The following DNAH8 variants were observed in gnomAD, a reference collection of about 807,000 sequenced individuals.
DNAH8 encodes dynein axonemal heavy chain 8.
Under a neutral mutation model 562.1 loss-of-function variants are expected in DNAH8, and 382 were observed. The observed-to-expected ratio is 0.68, with a 90% confidence interval of 0.63 to 0.74. The LOEUF is 0.74. Among genes scored for constraint, DNAH8 ranks in the 30% least tolerant of loss-of-function variants. The pLI is 0.00. For synonymous variants in DNAH8, 1,881 were observed against 1,919.4 expected, an observed-to-expected ratio of 0.98 and a Z score of 0.52; for missense variants, 5,203 against 5,620.4, an observed-to-expected ratio of 0.93 and a Z score of 2.37.
Position 38,906,968 on chromosome 6 carries a change from T to G in DNAH8, c.9348+561T>G, listed in dbSNP as rs376999696. ...TTATTGGAGCATTTTAGATTTCAGATTTTTTGATTTGGGGGTGCTCAACCA... is the reference window on the plus strand; with the variant it reads ...TTATTGGAGCATTTTAGATTTCAGAGTTTTTGATTTGGGGGTGCTCAACCA... On this transcript the variant is annotated intron_variant, in intron 63 of 92. Coordinates refer to ENST00000327475, the MANE Select transcript of DNAH8 (RefSeq NM_001206927.2). 1.8e-4 allele frequency among the ~76,000 whole-genome samples: 28 copies of G among 152,276 alleles called. 1 individual carries two copies. In the East Asian group the frequency reaches 5.2e-3, roughly 28 times the overall value.
chr6:38,966,971 C>T (rs1432116728), intron 82 of DNAH8, among the ~76,000 whole-genome samples: 1 of 152,208 alleles, frequency 6.6e-6, no homozygotes, highest in African/African-American at 2.4e-5. Context: ...ACTAATCCCA[C>T]TCTTAATACC....
chr6:38,975,884 G>A (rs963853528), intron 85 of DNAH8, among the ~76,000 whole-genome samples: 5 of 152,174 alleles, frequency 3.3e-5, no homozygotes, highest in African/African-American at 1.2e-4. Context: ...TTATCATGGA[G>A]AGCTGGTTGG....
Position 38,827,705 on chromosome 6 carries a change from G to T in DNAH8, c.4084-479G>T. Among the ~76,000 whole-genome samples, 2 of 118,760 alleles carry T rather than the reference G, an allele frequency of 1.7e-5. 1 individual carries two copies. The highest frequency in any genetic ancestry group is 6.5e-5 in the African/African-American group (2 of 30,780). The allele number at this position is 118,760 out of a possible 152,430, so 77.9% of individuals were successfully genotyped here. A position where few individuals can be genotyped will look rare whatever the true frequency, so the allele number is the denominator to read the frequency against. The stretch of plus-strand genomic sequence containing the variant: ...TAAATTATTATATCAAATTTTCCCT[G>T]ACTGCAAAAGCTTAATTCTTTACCA... On this transcript the variant is annotated intron_variant, in intron 29 of 92. Coordinates refer to ENST00000327475, the MANE Select transcript of DNAH8 (RefSeq NM_001206927.2).
intron 91 of DNAH8, among the ~76,000 whole-genome samples, chr6:39,018,889 GAATA>G (rs1308552979): frequency 6.6e-6 from 1 of 152,216 alleles, no homozygotes; most frequent in Non-Finnish European, 1.5e-5. Flanking sequence ...AGTCTCAGTG[GAATA>G]GGTGGGGAGG....
At chr6:38,883,816 T>TA in intron 55 of DNAH8, 60 bp from the exon 56 acceptor site, 1 of 1,363,966 alleles carries the variant, frequency 7.3e-7, no homozygotes, top group South Asian at 1.8e-5. Context: ...GAATGCTCAT[T>TA]ATTTTTAGAA....
intron 52 of DNAH8, 94 bp from the exon 53 acceptor site, chr6:38,875,497 T>A: frequency 4.0e-6 from 3 of 757,638 alleles, no homozygotes; most frequent in Non-Finnish European, 4.0e-6. Context: ...ATTTTTCTTC[T>A]CTCTTCCTTC....
Position 38,899,826 on chromosome 6 carries a change from T to A in DNAH8, c.9114T>A (p.Val3038=), listed in dbSNP as rs557683046. ...TSCGNALLVG[V]GGSGKQSLSR... is the part of the protein sequence containing the mutation. ...GTGGAAATGCATTGCTGGTGGGTGT[T>A]GGTGGTTCCGGAAAACAAAGTCTTT... is the stretch of plus-strand genomic sequence containing the variant. The change falls in exon 62 of 93, where the codon GTT becomes GTA. Residue 3038 remains valine (V), a synonymous_variant. Coordinates refer to ENST00000327475, the MANE Select transcript of DNAH8 (RefSeq NM_001206927.2). 1 of 1,613,152 alleles carries A rather than the reference T, an allele frequency of 6.2e-7. No individual in the cohort carries two copies.
In DNAH8 at chr6:38,872,659, A is replaced by G. The variant is rs769036544; in HGVS notation, c.7114A>G (p.Met2372Val). The change falls in exon 50 of 93, where the codon ATG (methionine) becomes GTG (valine). Residue 2372 changes from methionine to valine, a missense_variant. Met to Val is a conservative substitution (Grantham distance 21). Around this residue, in one of 6 missense-constraint regions of DNAH8, gnomAD observed 2,176 missense variants for 2,365.1 expected, o/e 0.92. Coordinates refer to ENST00000327475, the MANE Select transcript of DNAH8 (RefSeq NM_001206927.2). ...AGAATGCGGAAGGCCTCATAGAGAA[A>G]TGCGAATGAATCCAAAAGCCATTAC... is the stretch of plus-strand genomic sequence containing the variant. ...QTECGRPHRE[M>V]RMNPKAITAP... is the part of the protein sequence containing the mutation. 56 of 1,614,028 alleles carry G rather than the reference A, an allele frequency of 3.5e-5. No homozygotes were observed. The highest frequency in any genetic ancestry group is 2.2e-4 in the Admixed American group (13 of 60,010).
At chr6:39,011,770 G>C (rs546085673) in intron 89 of DNAH8, among the ~76,000 whole-genome samples, 2 of 152,266 alleles carry the variant, frequency 1.3e-5, no homozygotes, top group African/African-American at 4.8e-5. Context: ...AATCATATTT[G>C]TTGGTAACTG....
chr6:38,974,564 T>G (rs748259512), intron 85 of DNAH8, 35 bp downstream of exon 85: 7 of 1,587,978 alleles, frequency 4.4e-6, no homozygotes, highest in Non-Finnish European at 6.0e-6. Context: ...ATTTAGGAGA[T>G]GGCCAGTGGT....
At chr6:38,897,156 T>C (rs1465308308) in intron 60 of DNAH8, among the ~76,000 whole-genome samples, 1 of 152,174 alleles carries the variant, frequency 6.6e-6, no homozygotes, top group Non-Finnish European at 1.5e-5. Context: ...TGAGCCACCA[T>C]GCCCGGCTGA....
chr6:38,970,220 T>G (rs1422651266), intron 82 of DNAH8, among the ~76,000 whole-genome samples: 1 of 152,172 alleles, frequency 6.6e-6, no homozygotes, highest in East Asian at 1.9e-4. Context: ...CCTATCACTT[T>G]CCCTCATTGA....
intron 87 of DNAH8, among the ~76,000 whole-genome samples, chr6:38,988,149 C>G (rs1764532366): frequency 6.6e-6 from 1 of 152,184 alleles, no homozygotes; most frequent in Non-Finnish European, 1.5e-5. Context: ...TGTCTTTGAA[C>G]CTTGTTTTCT....
chr6:38,896,602 C>CAAAA (rs1472919807), intron 60 of DNAH8, among the ~76,000 whole-genome samples: 1 of 148,664 alleles, frequency 6.7e-6, no homozygotes, highest in Non-Finnish European at 1.5e-5. Context: ...AACAAACAAA[C>CAAAA]AAACAAAAAA....
intron 26 of DNAH8, among the ~76,000 whole-genome samples, chr6:38,820,293 G>A (rs1272556263): frequency 6.6e-6 from 1 of 152,086 alleles, no homozygotes; most frequent in African/African-American, 2.4e-5. Flanking sequence ...AAAATATATG[G>A]TATAGGTGGA....
chr6:38,728,396 G>A (rs1763399121), intron 3 of DNAH8, among the ~76,000 whole-genome samples: 1 of 152,256 alleles, frequency 6.6e-6, no homozygotes, highest in Non-Finnish European at 1.5e-5. Context: ...TTAATGCACA[G>A]TCATGATTTT....
intron 21 of DNAH8, among the ~76,000 whole-genome samples, chr6:38,793,594 GT>G (rs1769957469): frequency 6.6e-6 from 1 of 151,870 alleles, no homozygotes; most frequent in Non-Finnish European, 1.5e-5. Flanking sequence ...CTGAAAGTCT[GT>G]TTTTAAAAAA....
At chr6:38,778,737 T>C (rs1429860391) in intron 14 of DNAH8, among the ~76,000 whole-genome samples, 3 of 152,144 alleles carry the variant, frequency 2.0e-5, no homozygotes, top group African/African-American at 2.4e-5. Flanking sequence ...CCATGTCATA[T>C]GTTTGGGGTT....
Position 38,926,074 on chromosome 6 carries a change from A to G in DNAH8, c.10982A>G (p.Gln3661Arg). 1 of 1,613,670 alleles carries G rather than the reference A, an allele frequency of 6.2e-7. No homozygotes were observed. The highest frequency in any genetic ancestry group is 8.5e-7 in the Non-Finnish European group (1 of 1,179,712). ...DPPTIGEWGL[Q>R]GLPGDDLSIQ... ...GTTCAGATTGGTGAGTGGGGGCTAC[A>G]GGGATTACCAGGAGATGATCTCTCA... The change falls in exon 74 of 93, where the codon CAG becomes CGG. Residue 3661 changes from glutamine to arginine, a missense_variant. Physicochemically the swap from Gln to Arg is conservative, Grantham distance 43. This residue lies in a region of DNAH8 where 1,399 missense variants were observed against 1,518.4 expected (regional missense o/e 0.92). Transcript: ENST00000327475.
Sources: gnomAD v4.1 joint callset for allele counts (sites outside exome capture counted in the v4.1 genomes callset) on GRCh38, gnomAD v4.1.1 for gene constraint, gnomAD v4.1.1 regional missense constraint, MANE v1.5 for transcripts, NCBI Gene and HGNC (gene_info 2026-07-23, HGNC 2026-07-21) for gene names.